The following AK6 variants were observed in gnomAD, a reference collection of about 807,000 sequenced individuals.
The protein encoded by AK6 is adenylate kinase isoenzyme 6.
Under a neutral mutation model 23.7 loss-of-function variants are expected in AK6, and 24 were observed. That is an observed-to-expected ratio of 1.01 (90% CI 0.73 to 1.43). The LOEUF (loss-of-function observed/expected upper bound fraction) is 1.43. Among genes scored for constraint, AK6 ranks in the 40% most tolerant of loss-of-function variants. The probability of loss-of-function intolerance (pLI) is 0.00; values close to 1 mark genes in which losing one functional copy is unlikely to be tolerated. For missense variants in AK6, 191 were observed against 199.1 expected (o/e 0.96, Z 0.24); for synonymous variants, 73 against 69.8 (o/e 1.05, Z -0.23).
chr5:69,366,544 G>T lies in AK6; in HGVS notation c.80C>A (p.Ser27Ter). ...ACCCACATTAATGTATTTCAGTCCT[G>T]ATTTTGACGCAAGTTCTTTGCCTAG... ...TTLGKELASKSGLKYINVGDL... is the reference protein window; with the variant it reads ...TTLGKELASK The change falls in exon 2 of 5, where the codon TCA (serine) becomes TAA (stop). Residue 27 changes from serine to a stop codon, truncating the protein, a stop_gained. Transcript: ENST00000380822. LOFTEE classifies it high-confidence loss of function. 1 of 1,613,922 alleles carries T rather than the reference G, an allele frequency of 6.2e-7. No individual in the cohort carries two copies. The highest frequency in any genetic ancestry group is 8.5e-7 in the Non-Finnish European group (1 of 1,179,988).
Position 69,355,779 on chromosome 5 carries a change from C to G in AK6, c.196G>C (p.Asp66His). 6.2e-7 allele frequency: 1 copy of G among 1,608,888 alleles called. No homozygotes were observed. Among genetic ancestry groups the G allele is most frequent in the South Asian group, 1.1e-5 (1 of 89,036 alleles). The change falls in exon 4 of 5, where the codon GAT becomes CAT. Residue 66 changes from aspartate (D) to histidine (H), a missense_variant. Transcript: ENST00000380822. The stretch of plus-strand genomic sequence containing the variant: ...ACTCCACCTTCTCTCATTTGGTTAT[C>G]TAACTCATCAACTACCTGTAAGAAA... ...LDEDRVVDEL[D>H]NQMREGGVIV...
Position 69,366,552 on chromosome 5 carries a change from C to A in AK6, c.72G>T (p.Ala24=), listed in dbSNP as rs77238909. Residue 24 remains alanine (A), a synonymous_variant, in exon 2 of 5, where the codon GCG becomes GCT. Coordinates refer to ENST00000380822, the MANE Select transcript of AK6 (RefSeq NM_016283.5). ...TAATGTATTTCAGTCCTGATTTTGACGCAAGTTCTTTGCCTAGTGTGGTTT... is the reference window on the plus strand; with the variant it reads ...TAATGTATTTCAGTCCTGATTTTGAAGCAAGTTCTTTGCCTAGTGTGGTTT... The part of the protein sequence containing the change: ...VGKTTLGKEL[A]SKSGLKYINV... The A allele has an allele frequency of 6.2e-7, 1 of 1,613,980 alleles. No homozygotes were observed. Among genetic ancestry groups the A allele is most frequent in the East Asian group, 2.2e-5 (1 of 44,874 alleles).
chr5:69,361,623 G>C (rs1332284783), intron 2 of AK6, among the ~76,000 whole-genome samples: 1 of 148,032 alleles, frequency 6.8e-6, no homozygotes, highest in Non-Finnish European at 1.5e-5. Context: ...TTTTTTTTGA[G>C]ACTGAGTCTT....
chr5:69,362,750 CA>C (rs931843090), intron 2 of AK6, among the ~76,000 whole-genome samples: 5 of 151,750 alleles, frequency 3.3e-5, no homozygotes, highest in African/African-American at 1.2e-4. Flanking sequence ...CTGTCTCAAA[CA>C]AACAAACAAA....
chr5:69,366,923 T>A (rs1762455107), intron 1 of AK6: 3 of 243,566 alleles, frequency 1.2e-5, no homozygotes. Context: ...CATACCCAGC[T>A]AATTTTTGTA....
rs778490110 is a variant in AK6 at position 69,351,160 on chromosome 5, G to A, written c.*901C>T. On this transcript the variant is annotated 3_prime_UTR_variant, in exon 5 of 5. Coordinates refer to ENST00000380822, the MANE Select transcript of AK6 (RefSeq NM_016283.5). ...ACAGTGGTGACAGTTACATAACCTT[G>A]TTAATAAGCTAAAAACCAACGGATT... The A allele has an allele frequency of 1.3e-5, 2 of 152,120 alleles. No individual in the cohort carries two copies. Among genetic ancestry groups the A allele is most frequent in the Non-Finnish European group, 2.9e-5 (2 of 68,012 alleles). 9.4% of individuals were successfully genotyped at this position (152,120 alleles called of 1,614,324 possible).
At chr5:69,368,741 A>G (rs1762650478) in intron 1 of AK6, 1 of 152,174 alleles carries the variant, frequency 6.6e-6, no homozygotes, top group Non-Finnish European at 1.5e-5. Context: ...AATTTGATAA[A>G]CACTTTCAGG....
In AK6 at chr5:69,352,044, G is replaced by A. The variant is rs760663846; in HGVS notation, c.*17C>T. ...AGATATCAACAAGAGTGATTATTAAGTAGCTAGCCTTATAAGTCAAGAGTT... is the reference window on the plus strand; with the variant it reads ...AGATATCAACAAGAGTGATTATTAAATAGCTAGCCTTATAAGTCAAGAGTT... On this transcript the variant is annotated 3_prime_UTR_variant, in exon 5 of 5. Coordinates refer to ENST00000380822, the MANE Select transcript of AK6 (RefSeq NM_016283.5). 6.3e-6 allele frequency: 10 copies of A among 1,585,054 alleles called. No individual in the cohort carries two copies. In the Middle Eastern group the frequency reaches 5.0e-4, roughly 80 times the overall value.
intron 1 of AK6, 189 bp downstream of exon 1, chr5:69,369,274 C>CCGCGTCCCCTCCCT (rs1418484626): frequency 1.1e-5 from 3 of 278,288 alleles, no homozygotes; most frequent in African/African-American, 7.6e-5. Context: ...AATTAACGTT[C>CCGCGTCCCCTCCCT]CGCGTCCCCT....
At chr5:69,361,437 A>G (rs753767169) in intron 2 of AK6, among the ~76,000 whole-genome samples, 1 of 150,530 alleles carries the variant, frequency 6.6e-6, no homozygotes, top group Admixed American at 6.6e-5. Flanking sequence ...AAGACTCTTT[A>G]ATAGTTTTCT....
chr5:69,364,740 CA>C (rs1762342676), intron 2 of AK6: 1 of 657,602 alleles, frequency 1.5e-6, no homozygotes, highest in African/African-American at 1.8e-5. Context: ...AAAGCACCAA[CA>C]ATCGAATGAA....
intron 2 of AK6, among the ~76,000 whole-genome samples, chr5:69,366,142 G>A (rs929254759): frequency 6.6e-6 from 1 of 152,188 alleles, no homozygotes; most frequent in Non-Finnish European, 1.5e-5. Context: ...TCTCTTTCCA[G>A]TGAGACCAAT....
intron 4 of AK6, 112 bp from the exon 5 acceptor site, chr5:69,352,365 T>C (rs897943593): frequency 1.3e-6 from 1 of 789,472 alleles, no homozygotes; most frequent in African/African-American, 1.7e-5. Flanking sequence ...ATTACAGAAA[T>C]GGTCTCTTCA....
At chr5:69,352,970 A>G (rs1156899124) in intron 4 of AK6, among the ~76,000 whole-genome samples, 1 of 152,268 alleles carries the variant, frequency 6.6e-6, no homozygotes, top group Non-Finnish European at 1.5e-5. Flanking sequence ...TACAATATTC[A>G]TAACAGCCAA....
intron 2 of AK6, among the ~76,000 whole-genome samples, chr5:69,364,216 A>ATATAT (rs1554035657): frequency 6.6e-6 from 1 of 150,416 alleles, no homozygotes; most frequent in Admixed American, 6.6e-5. Flanking sequence ...AATTAAAAAA[A>ATATAT]ATATATATAT....
intron 2 of AK6, among the ~76,000 whole-genome samples, chr5:69,358,336 C>T (rs1762134685): frequency 6.6e-6 from 1 of 151,912 alleles, no homozygotes; most frequent in Non-Finnish European, 1.5e-5. Flanking sequence ...GCCTGGCCAA[C>T]ATGGTGAAAC....
At chr5:69,354,984 T>G (rs1193645184) in intron 4 of AK6, among the ~76,000 whole-genome samples, 2 of 152,026 alleles carry the variant, frequency 1.3e-5, no homozygotes, top group African/African-American at 2.4e-5. Flanking sequence ...CCTGCCACCA[T>G]GCCCGGCTAA....
chr5:69,368,899 G>C (rs932360237), intron 1 of AK6: 1 of 152,860 alleles, frequency 6.5e-6, no homozygotes, highest in Non-Finnish European at 1.5e-5. Context: ...CCTTTTAAGG[G>C]GCGGGGGGAT....
chr5:69,358,822 G>T (rs1762151007), intron 2 of AK6, among the ~76,000 whole-genome samples: 1 of 152,060 alleles, frequency 6.6e-6, no homozygotes, highest in Non-Finnish European at 1.5e-5. Context: ...GATCAAAAAG[G>T]TTGATTTGTT....
Sources: gnomAD v4.1 joint callset for allele counts (sites outside exome capture counted in the v4.1 genomes callset) on GRCh38, gnomAD v4.1.1 for gene constraint, MANE v1.5 for transcripts, NCBI Gene and HGNC (gene_info 2026-07-23, HGNC 2026-07-21) for gene names.